Variants in NAV2 observed in about 807,000 individuals in gnomAD.
NAV2 encodes helicase, APC down-regulated 1.
In NAV2, 54 loss-of-function variants were observed where a neutral mutation model predicts 223.2. The observed-to-expected ratio is 0.24, with a 90% CI of 0.19 to 0.30. The LOEUF (loss-of-function observed/expected upper bound fraction) is 0.30, where lower values mean the gene tolerates loss of function less well. Ranked by LOEUF, NAV2 falls within the 10% of genes least tolerant of loss-of-function variation. NAV2 has a pLI of 1.00. For missense variants in NAV2, 2,806 were observed against 3,147.5 expected (o/e 0.89, Z 2.60); for synonymous variants, 1,279 against 1,239.3 (o/e 1.03, Z -0.67).
intron 1 of NAV2, among the ~76,000 whole-genome samples, chr11:19,522,913 G>A (rs2043714802): frequency 6.6e-6 from 1 of 152,136 alleles, no homozygotes; most frequent in Non-Finnish European, 1.5e-5. Flanking sequence ...GGTCTTACTT[G>A]CAGTTATTAT....
chr11:19,989,248 G>A (rs1009403946), intron 11 of NAV2, among the ~76,000 whole-genome samples: 3 of 152,156 alleles, frequency 2.0e-5, no homozygotes, highest in Admixed American at 1.3e-4. Flanking sequence ...TAATCACAAG[G>A]TCCTCAAAAG....
chr11:19,366,588 C>A (rs1848291537), intron 1 of NAV2, among the ~76,000 whole-genome samples: 1 of 152,152 alleles, frequency 6.6e-6, no homozygotes, highest in Non-Finnish European at 1.5e-5. Flanking sequence ...GAGAGTGATT[C>A]TGGGAAGAGC....
intron 12 of NAV2, among the ~76,000 whole-genome samples, chr11:20,036,750 T>C (rs1053480369): frequency 1.3e-5 from 2 of 152,218 alleles, no homozygotes; most frequent in African/African-American, 4.8e-5. Context: ...ACATTCTCCA[T>C]GTGGTGACAA....
chr11:19,468,387 G>T (rs888654786), intron 1 of NAV2, among the ~76,000 whole-genome samples: 3 of 152,156 alleles, frequency 2.0e-5, no homozygotes, highest in Non-Finnish European at 4.4e-5. Context: ...CACCCTGAAG[G>T]CTCTAGGGGA....
intron 1 of NAV2, among the ~76,000 whole-genome samples, chr11:19,799,554 GT>G (rs60684625): frequency 0.021 from 3,083 of 149,186 alleles, 67 homozygotes; most frequent in African/African-American, 0.057. Context: ...GCCCGTTATA[GT>G]GGTGCGGTTG....
At chr11:19,803,959 G>T (rs2058411301) in intron 1 of NAV2, among the ~76,000 whole-genome samples, 1 of 152,186 alleles carries the variant, frequency 6.6e-6, no homozygotes, top group Non-Finnish European at 1.5e-5. Context: ...GCTTGAAAGG[G>T]GTGTGGCTAG....
At chr11:20,084,938 C>G (rs1307330921) in intron 26 of NAV2, among the ~76,000 whole-genome samples, 1 of 152,128 alleles carries the variant, frequency 6.6e-6, no homozygotes, top group Non-Finnish European at 1.5e-5. Context: ...CCTGTAATCC[C>G]AGCGCTTTGG....
chr11:20,005,831 T>C (rs905751159), intron 11 of NAV2, among the ~76,000 whole-genome samples: 9 of 152,150 alleles, frequency 5.9e-5, no homozygotes, highest in Non-Finnish European at 8.8e-5. Flanking sequence ...GCTAGAATAA[T>C]AGTAGAAGTA....
At chr11:19,528,928 CAAAA>C (rs528321807) in intron 1 of NAV2, among the ~76,000 whole-genome samples, 51 of 82,344 alleles carry the variant, frequency 6.2e-4, no homozygotes, top group African/African-American at 2.2e-3. Flanking sequence ...GACTCCATCT[CAAAA>C]AAAAAAAAAA....
chr11:19,997,441 G>A (rs2052017097), intron 11 of NAV2, among the ~76,000 whole-genome samples: 1 of 152,144 alleles, frequency 6.6e-6, no homozygotes, highest in Non-Finnish European at 1.5e-5. Flanking sequence ...CTCTACCGTA[G>A]GACTCTTGAC....
intron 1 of NAV2, among the ~76,000 whole-genome samples, chr11:19,624,841 A>G (rs770483764): frequency 6.6e-6 from 1 of 152,236 alleles, no homozygotes; most frequent in Non-Finnish European, 1.5e-5. Context: ...AGTCTTCTGC[A>G]TCACTCATGC....
At chr11:19,830,583 T>G (rs780370593) in intron 1 of NAV2, among the ~76,000 whole-genome samples, 23 of 152,212 alleles carry the variant, frequency 1.5e-4, no homozygotes, top group Non-Finnish European at 2.9e-4. Context: ...TAGTAGGCAC[T>G]GTATGTTAGT....
rs776495414 is a variant in NAV2, at chr11:19,933,553, G to A, written c.1309G>A (p.Glu437Lys). The A allele has an allele frequency of 6.2e-6, 10 of 1,609,606 alleles. No individual in the cohort carries two copies. Among genetic ancestry groups the A allele is most frequent in the Admixed American group, 3.4e-5 (2 of 59,370 alleles). The change falls in exon 7 of 38, where the codon GAA becomes AAA. Residue 437 changes from glutamate (E) to lysine (K), a missense_variant. Around this residue, in one of 4 missense-constraint regions of NAV2, gnomAD observed 1,167 missense variants for 1,180.5 expected, o/e 0.99. Transcript: ENST00000349880. This position sits in a 1 kb window ranked among gnomAD's most constrained non-coding sequence, Gnocchi z 4.3. ...GCGGCTGGAGACTCTGCCCAGCTTC[G>A]AAGAGAGCGAGGAGCTGGAGGCCGC... ...CERLETLPSF[E>K]ESEELEAASR...
intron 1 of NAV2, among the ~76,000 whole-genome samples, chr11:19,800,502 C>T (rs1437160250): frequency 1.3e-5 from 2 of 152,128 alleles, no homozygotes; most frequent in Non-Finnish European, 2.9e-5. Flanking sequence ...AGTAGACACC[C>T]TAGGACCTGC....
chr11:19,419,395 T>C (rs1850516872), intron 1 of NAV2, among the ~76,000 whole-genome samples: 1 of 152,306 alleles, frequency 6.6e-6, no homozygotes, highest in Non-Finnish European at 1.5e-5. Flanking sequence ...AATATGATTC[T>C]CCTGGCAATG....
At chr11:19,753,962 A>G (rs2054043409) in intron 1 of NAV2, among the ~76,000 whole-genome samples, 1 of 152,238 alleles carries the variant, frequency 6.6e-6, no homozygotes, top group South Asian at 2.1e-4. Context: ...TCATGCCCGC[A>G]TGACTATAAG....
chr11:19,895,415 G>A (rs2041894531), intron 6 of NAV2, among the ~76,000 whole-genome samples: 1 of 152,120 alleles, frequency 6.6e-6, no homozygotes, highest in African/African-American at 2.4e-5. Context: ...CAAATATTCT[G>A]TGAGGTAAAT....
At position 20,118,291 on chromosome 11, in the gene NAV2, C is replaced by T; in HGVS notation, c.*33C>T. ...CCGGAGCCCAGCGCCCTCCTCTTCTCCTCACCGCATTCCACCTGCATCCCC... is the reference window on the plus strand; with the variant it reads ...CCGGAGCCCAGCGCCCTCCTCTTCTTCTCACCGCATTCCACCTGCATCCCC... On this transcript the variant is annotated 3_prime_UTR_variant, in exon 38 of 38. Coordinates refer to ENST00000349880, the MANE Select transcript of NAV2 (RefSeq NM_145117.5). The T allele has an allele frequency of 6.2e-7, 1 of 1,610,518 alleles. No individual in the cohort carries two copies.
intron 1 of NAV2, among the ~76,000 whole-genome samples, chr11:19,722,558 C>T (rs1028564871): frequency 1.3e-5 from 2 of 152,132 alleles, no homozygotes; most frequent in African/African-American, 2.4e-5. Flanking sequence ...GCTTGGACTG[C>T]GATTGCTTAT....
Sources: gnomAD v4.1 joint callset for allele counts (sites outside exome capture counted in the v4.1 genomes callset) on GRCh38, gnomAD v4.1.1 for gene constraint, gnomAD v4.1.1 regional missense constraint, Gnocchi (gnomAD v3.1) non-coding constraint, MANE v1.5 for transcripts, NCBI Gene and HGNC (gene_info 2026-07-23, HGNC 2026-07-21) for gene names.